PLA2G6: variants seen among roughly 807,000 people sequenced by gnomAD.
PLA2G6 encodes the protein phospholipase A2 group VI.
A neutral mutation model predicts 83.8 loss-of-function variants in PLA2G6; 62 were observed. The ratio of observed to expected loss-of-function variants is 0.74; its 90% CI spans 0.60 to 0.91. PLA2G6 has a LOEUF of 0.91. Ranked by LOEUF, PLA2G6 falls within the 40% of genes least tolerant of loss-of-function variation. The probability of loss-of-function intolerance (pLI) is 0.00; values close to 1 mark genes in which losing one functional copy is unlikely to be tolerated. For synonymous variants in PLA2G6, 417 were observed against 449.8 expected (o/e 0.93, Z 0.92); for missense variants, 944 against 1,102.0 (o/e 0.86, Z 2.03).
intron 9 of PLA2G6, among the ~76,000 whole-genome samples, chr22:38,127,962 G>A (rs567569305): frequency 9.2e-5 from 14 of 152,302 alleles, no homozygotes; most frequent in African/African-American, 2.6e-4. Flanking sequence ...CACCCTGAAC[G>A]CCCTGGGGAC....
In PLA2G6 at chr22:38,129,503, C is replaced by T. The variant is rs776664421; in HGVS notation, c.1137G>A (p.Pro379=). 1.1e-5 allele frequency: 17 copies of T among 1,613,818 alleles called. No individual in the cohort carries two copies. Among genetic ancestry groups the T allele is most frequent in the Non-Finnish European group, 1.4e-5 (16 of 1,179,788 alleles). The change falls in exon 8 of 17, where the codon CCG becomes CCA. Residue 379 remains proline, a synonymous_variant. Transcript: ENST00000332509. ...ATGTAGGAGTCTCCCCAAAGTCATT[C>T]GGGGTGTCCACTTCTGCTCCGAACA... ...LIVFGAEVDT[P]NDFGETPTFL... is the part of the protein sequence containing the mutation.
intron 8 of PLA2G6, 58 bp downstream of exon 8, chr22:38,129,396 G>T: frequency 1.7e-6 from 2 of 1,193,452 alleles, no homozygotes; most frequent in South Asian, 1.2e-5. Context: ...CCTCCTCCTC[G>T]GTCCCTGTAT....
At chr22:38,122,020 G>T (rs148364409) in intron 11 of PLA2G6, among the ~76,000 whole-genome samples, 1 of 152,104 alleles carries the variant, frequency 6.6e-6, no homozygotes, top group Non-Finnish European at 1.5e-5. Context: ...TCAATAAACC[G>T]CCGTGGACAC....
intron 2 of PLA2G6, among the ~76,000 whole-genome samples, chr22:38,154,431 A>C (rs1416399299): frequency 6.6e-6 from 1 of 152,216 alleles, no homozygotes; most frequent in East Asian, 1.9e-4. Context: ...TAGGGGAGAA[A>C]GTAAGGGAAG....
intron 7 of PLA2G6, chr22:38,131,430 TCA>T (rs1177030077): frequency 2.0e-5 from 3 of 152,182 alleles, no homozygotes; most frequent in Non-Finnish European, 4.4e-5. Context: ...TTTGAAATTT[TCA>T]CACTTTAAAT....
At position 38,116,863 on chromosome 22, in the gene PLA2G6, A is replaced by AC. The variant is rs1352051931; in HGVS notation, c.1743-653_1743-652insG. The stretch of plus-strand genomic sequence containing the variant: ...TGAAACTCCGTCTCAAAAAAAAAAA[A>AC]AAAAAAAAAAAAACAGAATATTTTG... On this transcript the variant is annotated intron_variant, in intron 12 of 16. Coordinates refer to ENST00000332509, the MANE Select transcript of PLA2G6 (RefSeq NM_003560.4). 5.3e-5 allele frequency among the ~76,000 whole-genome samples: 8 copies of AC among 150,854 alleles called. 1 individual carries two copies. The highest frequency in any genetic ancestry group is 5.3e-4 in the Admixed American group (8 of 15,144).
In PLA2G6 at chr22:38,128,581, A is replaced by T; in HGVS notation, c.1187-151T>A. The T allele has an allele frequency of 1.3e-6, 1 of 787,214 alleles. No individual in the cohort carries two copies. The highest frequency in any genetic ancestry group is 2.1e-6 in the Non-Finnish European group (1 of 482,636). 48.8% of individuals were successfully genotyped at this position (787,214 alleles called of 1,614,324 possible). A position where few individuals can be genotyped will look rare whatever the true frequency, so the allele number is the denominator to read the frequency against. ...GCTCCAGAGGCCTCAGCCCACCCTGACAGGGAGTGCTGCCCCCAGGCTGGT... is the reference window on the plus strand; with the variant it reads ...GCTCCAGAGGCCTCAGCCCACCCTGTCAGGGAGTGCTGCCCCCAGGCTGGT... On this transcript the variant is annotated intron_variant, in intron 8 of 16. Transcript: ENST00000332509. This position sits in a 1 kb window ranked among gnomAD's most constrained non-coding sequence, Gnocchi z 4.4.
In PLA2G6 at chr22:38,134,971, C is replaced by A. The variant is rs1220809339; in HGVS notation, c.894+17G>T. ...CCCGGCCCCCTGCCCCACCCACCCA[C>A]CTCAGGATCCACTCACCTCTGCGTT... On this transcript the variant is annotated intron_variant, in intron 6 of 16. Transcript: ENST00000332509. 1.4e-6 allele frequency: 2 copies of A among 1,427,666 alleles called. No individual in the cohort carries two copies. The highest frequency in any genetic ancestry group is 9.9e-7 in the Non-Finnish European group (1 of 1,012,754). 88.4% of individuals were successfully genotyped at this position (1,427,666 alleles called of 1,614,324 possible). A position where few individuals can be genotyped will look rare whatever the true frequency, so the allele number is the denominator to read the frequency against.
In PLA2G6 at chr22:38,111,861, G is replaced by A. The variant is rs1043990380; in HGVS notation, c.*300C>T. 2 of 449,430 alleles carry A rather than the reference G, an allele frequency of 4.5e-6. No individual in the cohort carries two copies. Among genetic ancestry groups the A allele is most frequent in the Non-Finnish European group, 8.3e-6 (2 of 240,512 alleles). 27.8% of individuals were successfully genotyped at this position (449,430 alleles called of 1,614,324 possible). On this transcript the variant is annotated 3_prime_UTR_variant, in exon 17 of 17. Coordinates refer to ENST00000332509, the MANE Select transcript of PLA2G6 (RefSeq NM_003560.4). ...TGGGGGCAGGGGTACGGTTGTGCCC[G>A]GGTACCCTTAATGTTTGAGCTGATG...
At chr22:38,139,715 G>C (rs1282657098) in intron 5 of PLA2G6, 15 of 428,228 alleles carry the variant, frequency 3.5e-5, no homozygotes, top group Non-Finnish European at 4.4e-5. Context: ...GATTACAGGC[G>C]TGAGACACCG....
In PLA2G6 at chr22:38,164,802, A is replaced by C. The variant is rs373493731; in HGVS notation, c.209+4416T>G. ...GAGGCCTCTAGGGCAACACAGGAGG[A>C]AGATCGTTTAGAAGGCAGAAACTCA... is the stretch of plus-strand genomic sequence containing the variant. On this transcript the variant is annotated intron_variant, in intron 2 of 16. Transcript: ENST00000332509. Among the ~76,000 whole-genome samples, 313 of 152,252 alleles carry C rather than the reference A, an allele frequency of 2.1e-3. 1 individual carries two copies. Among genetic ancestry groups the C allele is most frequent in the African/African-American group, 7.4e-3 (306 of 41,538 alleles).
intron 5 of PLA2G6, chr22:38,138,480 C>T (rs992768972): frequency 6.6e-6 from 1 of 152,342 alleles, no homozygotes; most frequent in African/African-American, 2.4e-5. Flanking sequence ...GTGCCAGCCT[C>T]CCTGCCTGAG....
intron 11 of PLA2G6, 100 bp from the exon 12 acceptor site, chr22:38,121,009 G>C (rs777359477): frequency 1.2e-4 from 177 of 1,451,944 alleles, no homozygotes; most frequent in Admixed American, 3.5e-4. Context: ...GTGGCAGGAG[G>C]AAGCGGGTTT....
At chr22:38,175,017 C>T (rs1286827904) in intron 1 of PLA2G6, among the ~76,000 whole-genome samples, 2 of 152,148 alleles carry the variant, frequency 1.3e-5, no homozygotes, top group African/African-American at 2.4e-5. Context: ...TCCTCAGCTA[C>T]GAATTCCCTG....
intron 15 of PLA2G6, 55 bp from the exon 16 acceptor site, chr22:38,112,632 C>G: frequency 7.0e-7 from 1 of 1,431,566 alleles, no homozygotes; most frequent in Non-Finnish European, 9.6e-7. Context: ...CGGCCCGCAC[C>G]CCGCCCGGCC....
At chr22:38,159,243 C>A (rs2089912911) in intron 2 of PLA2G6, among the ~76,000 whole-genome samples, 1 of 152,050 alleles carries the variant, frequency 6.6e-6, no homozygotes, top group South Asian at 2.1e-4. Flanking sequence ...ATAAGGGGAC[C>A]TGCAGACAAA....
At chr22:38,159,952 G>A (rs975327680) in intron 2 of PLA2G6, among the ~76,000 whole-genome samples, 11 of 152,134 alleles carry the variant, frequency 7.2e-5, no homozygotes, top group Middle Eastern at 3.2e-3. Context: ...GCAAAACACC[G>A]TGTGTGCAGC....
intron 2 of PLA2G6, among the ~76,000 whole-genome samples, chr22:38,165,767 C>A (rs2090190347): frequency 6.6e-6 from 1 of 152,130 alleles, no homozygotes; most frequent in Non-Finnish European, 1.5e-5. Flanking sequence ...GTAGTCCCAG[C>A]TACTTGGGAG....
intron 10 of PLA2G6, among the ~76,000 whole-genome samples, chr22:38,124,218 G>C (rs929831094): frequency 6.6e-6 from 1 of 152,048 alleles, no homozygotes; most frequent in Middle Eastern, 3.4e-3. Flanking sequence ...CACAGTTCAC[G>C]GCAGCCTCAA....
Sources: allele counts gnomAD v4.1 joint callset (sites outside exome capture counted in the v4.1 genomes callset), GRCh38; gene constraint gnomAD v4.1.1; non-coding constraint Gnocchi (gnomAD v3.1); transcripts MANE v1.5; gene names NCBI Gene and HGNC (gene_info 2026-07-23, HGNC 2026-07-21).